The following CNTNAP5 variants were observed in gnomAD, a reference collection of about 807,000 sequenced individuals.
CNTNAP5 encodes contactin-associated protein-like 5.
Under a neutral mutation model 150.2 loss-of-function variants are expected in CNTNAP5, and 72 were observed. The observed-to-expected ratio is 0.48, with a 90% CI of 0.40 to 0.58. The LOEUF is 0.58. Ranked by LOEUF, CNTNAP5 falls within the 20% of genes least tolerant of loss-of-function variation. The pLI, the probability that CNTNAP5 is intolerant of heterozygous loss-of-function variation, is 0.00. For synonymous variants in CNTNAP5, 672 were observed against 619.8 expected, an observed-to-expected ratio of 1.08 and a Z score of -1.25; for missense variants, 1,636 against 1,626.2, an observed-to-expected ratio of 1.01 and a Z score of -0.10.
chr2:124,497,324 T>C (rs1379220449), intron 7 of CNTNAP5, among the ~76,000 whole-genome samples: 4 of 152,160 alleles, frequency 2.6e-5, no homozygotes, highest in Admixed American at 6.5e-5. Flanking sequence ...TGCCCACTAA[T>C]AGAAACACCT....
At position 124,706,846 on chromosome 2, in the gene CNTNAP5, G is replaced by GAAGAA. The variant is rs1558743148; in HGVS notation, c.2078-40383_2078-40382insAAGAA. Among the ~76,000 whole-genome samples, 85 of 45,686 alleles carry GAAGAA rather than the reference G, an allele frequency of 1.9e-3. 7 individuals are homozygous for GAAGAA. The highest frequency in any genetic ancestry group is 7.2e-3 in the African/African-American group (77 of 10,710). The allele number at this position is 45,686 out of a possible 152,430, so 30.0% of individuals were successfully genotyped here. A position where few individuals can be genotyped will look rare whatever the true frequency, so the allele number is the denominator to read the frequency against. On this transcript the variant is annotated intron_variant, in intron 13 of 23. Transcript: ENST00000682447. Reference sequence around the variant, plus strand: ...GGAGGAAGAGGAGGAGGGGGAGGAAGGAGGAGGAGGAGAAGGAGAAGGGGA... The same window carrying GAAGAA: ...GGAGGAAGAGGAGGAGGGGGAGGAAGAAGAAGAGGAGGAGGAGAAGGAGAAGGGGA...
At chr2:124,422,702 C>T (rs965836619) in intron 4 of CNTNAP5, among the ~76,000 whole-genome samples, 1 of 152,202 alleles carries the variant, frequency 6.6e-6, no homozygotes, top group African/African-American at 2.4e-5. Context: ...TGCAGCTCCA[C>T]GTACAAAGTT....
At chr2:124,297,628 C>T (rs757316364) in intron 3 of CNTNAP5, among the ~76,000 whole-genome samples, 3 of 151,868 alleles carry the variant, frequency 2.0e-5, no homozygotes, top group Non-Finnish European at 4.4e-5. Flanking sequence ...ATATACTCTT[C>T]TGATTTGCAG....
intron 10 of CNTNAP5, among the ~76,000 whole-genome samples, chr2:124,529,283 A>T (rs1437258242): frequency 1.3e-5 from 2 of 152,124 alleles, no homozygotes; most frequent in African/African-American, 4.8e-5. Context: ...ACATTTATCA[A>T]CAGGGGTCTC....
chr2:124,163,932 G>T (rs934997956), intron 1 of CNTNAP5, among the ~76,000 whole-genome samples: 2 of 151,108 alleles, frequency 1.3e-5, no homozygotes, highest in African/African-American at 4.9e-5. Context: ...TTTGTTCCAA[G>T]GTCTATGACT....
rs182043504 is a variant in CNTNAP5 at position 124,915,257 on chromosome 2, C to A, written c.*969C>A. The A allele has an allele frequency of 6.0e-6, 1 of 165,608 alleles. No individual in the cohort carries two copies. Among genetic ancestry groups the A allele is most frequent in the Non-Finnish European group, 1.5e-5 (1 of 67,766 alleles). 10.3% of individuals were successfully genotyped at this position (165,608 alleles called of 1,614,324 possible). On this transcript the variant is annotated 3_prime_UTR_variant, in exon 24 of 24. Coordinates refer to ENST00000682447, the MANE Select transcript of CNTNAP5 (RefSeq NM_001367498.1). ...ACACACGCACACATATATGTTGCTGCAGCATAAAGAAATTGAAATAAAAGT... is the reference window on the plus strand; with the variant it reads ...ACACACGCACACATATATGTTGCTGAAGCATAAAGAAATTGAAATAAAAGT...
chr2:124,385,941 G>A (rs2553623), intron 3 of CNTNAP5, among the ~76,000 whole-genome samples: 51,387 of 151,830 alleles, frequency 0.34, 9,293 homozygotes, highest in East Asian at 0.57. Flanking sequence ...GATTCCTTCA[G>A]AGTACATCAT....
intron 3 of CNTNAP5, among the ~76,000 whole-genome samples, chr2:124,414,301 C>A (rs902413669): frequency 1.7e-4 from 26 of 152,034 alleles, no homozygotes; most frequent in Non-Finnish European, 2.9e-5. Context: ...TGACTTTGAT[C>A]CACTGGTGAA....
chr2:124,448,429 C>T (rs1692882775), intron 6 of CNTNAP5, among the ~76,000 whole-genome samples: 1 of 152,120 alleles, frequency 6.6e-6, no homozygotes, highest in Non-Finnish European at 1.5e-5. Context: ...CATGACTATT[C>T]TATCTGTGTT....
chr2:124,789,875 T>C (rs746224921), intron 17 of CNTNAP5, 27 bp from the exon 18 acceptor site: 1 of 1,609,830 alleles, frequency 6.2e-7, no homozygotes, highest in Non-Finnish European at 8.5e-7. Context: ...ATACCTTACA[T>C]TTGTTTCCTT....
chr2:124,668,474 A>G (rs533688436), intron 13 of CNTNAP5, among the ~76,000 whole-genome samples: 6 of 152,288 alleles, frequency 3.9e-5, no homozygotes, highest in African/African-American at 1.4e-4. Flanking sequence ...GAAACTGTGT[A>G]TCAGGGAGAG....
chr2:124,489,471 T>G (rs1693968472), intron 7 of CNTNAP5, among the ~76,000 whole-genome samples: 1 of 152,156 alleles, frequency 6.6e-6, no homozygotes, highest in Admixed American at 6.5e-5. Flanking sequence ...TTTATTCACT[T>G]CATGAAGTGT....
At chr2:124,581,313 A>T (rs556475659) in intron 11 of CNTNAP5, among the ~76,000 whole-genome samples, 36 of 152,344 alleles carry the variant, frequency 2.4e-4, no homozygotes, top group African/African-American at 8.4e-4. Context: ...GAAACAGGGA[A>T]AAAAGTAAAA....
At position 124,647,940 on chromosome 2, in the gene CNTNAP5, C is replaced by T. The variant is rs1040705347; in HGVS notation, c.2059C>T (p.Arg687Cys). The change falls in exon 13 of 24, where the codon CGC becomes TGC. Residue 687 changes from arginine (R) to cysteine (C), a missense_variant. Transcript: ENST00000682447. ...QEVAYHCRRS[R>C]LLNTPDGTPF... ...GGTGGCCTACCACTGCAGGAGGTCCCGCCTGCTCAACACGCCGGGTAAGGC... is the reference window on the plus strand; with the variant it reads ...GGTGGCCTACCACTGCAGGAGGTCCTGCCTGCTCAACACGCCGGGTAAGGC... 3.1e-6 allele frequency: 5 copies of T among 1,602,750 alleles called. No individual in the cohort carries two copies. The highest frequency in any genetic ancestry group is 4.3e-6 in the Non-Finnish European group (5 of 1,175,278).
chr2:124,451,051 A>AAAAAAAATATAT (rs1360743225), intron 6 of CNTNAP5, among the ~76,000 whole-genome samples: 1 of 65,288 alleles, frequency 1.5e-5, no homozygotes, highest in Non-Finnish European at 2.6e-5. Flanking sequence ...AAAAAAAAAA[A>AAAAAAAATATAT]ATATATATAT....
chr2:124,428,305 G>C (rs936154208), intron 4 of CNTNAP5, among the ~76,000 whole-genome samples: 2 of 152,278 alleles, frequency 1.3e-5, no homozygotes, highest in African/African-American at 4.8e-5. Context: ...CGCTCCCTCA[G>C]CACACAGTGC....
chr2:124,870,166 T>C (rs867143043), intron 21 of CNTNAP5, among the ~76,000 whole-genome samples: 42 of 151,878 alleles, frequency 2.8e-4, no homozygotes, highest in African/African-American at 9.4e-4. Flanking sequence ...TTTTTTTTTT[T>C]CTATTGGAAG....
At chr2:124,341,890 T>A (rs887143525) in intron 3 of CNTNAP5, among the ~76,000 whole-genome samples, 4 of 152,132 alleles carry the variant, frequency 2.6e-5, no homozygotes, top group African/African-American at 9.7e-5. Context: ...TTTTGTCTTG[T>A]AGGGCTTCAG....
chr2:124,443,597 G>T (rs1338235736), intron 5 of CNTNAP5, among the ~76,000 whole-genome samples: 2 of 151,912 alleles, frequency 1.3e-5, no homozygotes, highest in Non-Finnish European at 2.9e-5. Flanking sequence ...GGCAGGGAGG[G>T]TGTTTTACTA....
Sources: allele counts gnomAD v4.1 joint callset (sites outside exome capture counted in the v4.1 genomes callset), GRCh38; gene constraint gnomAD v4.1.1; transcripts MANE v1.5; gene names NCBI Gene and HGNC (gene_info 2026-07-23, HGNC 2026-07-21).